Variants in CEACAM6 observed in about 807,000 individuals in gnomAD.
CEACAM6 encodes CEA cell adhesion molecule 6, also known as cell adhesion molecule CEACAM6.
In CEACAM6, 21 loss-of-function variants were observed where a neutral mutation model predicts 32.4. The observed-to-expected ratio is 0.65, with a 90% confidence interval of 0.46 to 0.93. The LOEUF is 0.93. CEACAM6 is among the 40% of genes least tolerant of loss of function. The probability of loss-of-function intolerance (pLI) is 0.00; values close to 1 mark genes in which losing one functional copy is unlikely to be tolerated. For missense variants in CEACAM6, 406 were observed against 432.2 expected, an observed-to-expected ratio of 0.94 and a Z score of 0.54; for synonymous variants, 184 against 174.4, an observed-to-expected ratio of 1.06 and a Z score of -0.43.
chr19:41,762,266 A>C, intron 4 of CEACAM6, 43 bp downstream of exon 4: 1 of 1,591,222 alleles, frequency 6.3e-7, no homozygotes, highest in Non-Finnish European at 8.6e-7. Context: ...TTTCAGGTGG[A>C]GTCTGGCTCT....
intron 2 of CEACAM6, among the ~76,000 whole-genome samples, chr19:41,757,616 G>A (rs913752742): frequency 6.6e-6 from 1 of 152,146 alleles, no homozygotes; most frequent in Non-Finnish European, 1.5e-5. Flanking sequence ...TGCCCTGGGG[G>A]ACACAGGTTA....
At chr19:41,767,514 G>A (rs2072963361) in intron 5 of CEACAM6, among the ~76,000 whole-genome samples, 1 of 152,152 alleles carries the variant, frequency 6.6e-6, no homozygotes, top group South Asian at 2.1e-4. Context: ...CAAAAATTCA[G>A]ATAAATCTGA....
At chr19:41,756,028 C>T (rs1468241361) in intron 1 of CEACAM6, among the ~76,000 whole-genome samples, 1 of 152,128 alleles carries the variant, frequency 6.6e-6, no homozygotes, top group Non-Finnish European at 1.5e-5. Context: ...AAATGCTGCC[C>T]TTACTCACCA....
chr19:41,757,202 G>A (rs2072893961), intron 2 of CEACAM6, among the ~76,000 whole-genome samples: 1 of 152,048 alleles, frequency 6.6e-6, no homozygotes, highest in Admixed American at 6.5e-5. Context: ...GACTCAGCAG[G>A]GCGAGGTCAG....
At chr19:41,769,808 T>G (rs1226897338) in intron 5 of CEACAM6, among the ~76,000 whole-genome samples, 2 of 147,754 alleles carry the variant, frequency 1.4e-5, no homozygotes, top group Non-Finnish European at 3.0e-5. Flanking sequence ...TAATATTTAT[T>G]AATAAATTAA....
chr19:41,766,376 C>G, intron 5 of CEACAM6, 77 bp downstream of exon 5: 1 of 653,226 alleles, frequency 1.5e-6, no homozygotes, highest in Non-Finnish European at 2.5e-6. Flanking sequence ...AACTTCTTCA[C>G]CTGTATCTGG....
At chr19:41,756,453 GACACAC>G (rs4060857) in intron 1 of CEACAM6, 141 bp from the exon 2 acceptor site, 70,694 of 911,288 alleles carry the variant, frequency 0.078, 119 homozygotes, top group East Asian at 0.19. Flanking sequence ...GACTCAGTAG[GACACAC>G]ACACACACAC....
chr19:41,762,018 AG>A lies in CEACAM6; in HGVS notation c.757del (p.Glu253LysfsTer3). 1 of 1,614,174 alleles carries A rather than the reference AG, an allele frequency of 6.2e-7. No individual in the cohort carries two copies. Among genetic ancestry groups the A allele is most frequent in the Non-Finnish European group, 8.5e-7 (1 of 1,180,020 alleles). On this transcript the variant is annotated frameshift_variant, in exon 4 of 6. Coordinates refer to ENST00000199764, the MANE Select transcript of CEACAM6 (RefSeq NM_002483.7). LOFTEE classifies it high-confidence loss of function. ...CCCCCTCAAAGGCCAATTACCGTCC[AG>A]GGGAAAATCTGAACCTCTCCTGCCA... ...ISPSKANYRP[G>X]ENLNLSCHAA...
At chr19:41,762,629 A>G (rs1449674230) in intron 4 of CEACAM6, among the ~76,000 whole-genome samples, 1 of 152,110 alleles carries the variant, frequency 6.6e-6, no homozygotes, top group African/African-American at 2.4e-5. Context: ...AGGGACAAGG[A>G]GGTTTTGAAA....
intron 5 of CEACAM6, among the ~76,000 whole-genome samples, chr19:41,769,382 C>A (rs2122938427): frequency 6.6e-6 from 1 of 152,320 alleles, no homozygotes; most frequent in Middle Eastern, 3.4e-3. Flanking sequence ...ACATTAAAAT[C>A]ATACCATTAG....
Position 41,762,115 on chromosome 19 carries a change from C to T in CEACAM6, c.850C>T (p.Leu284Phe). The change falls in exon 4 of 6, where the codon CTC (leucine) becomes TTC (phenylalanine). Residue 284 changes from leucine to phenylalanine, a missense_variant. By Grantham distance (22) the Leu-to-Phe change is conservative. Coordinates refer to ENST00000199764, the MANE Select transcript of CEACAM6 (RefSeq NM_002483.7). Reference protein sequence around the residue: ...NGTFQQSTQELFIPNITVNNS... With the variant: ...NGTFQQSTQEFFIPNITVNNS... ...GACGTTCCAGCAATCCACACAAGAG[C>T]TCTTTATCCCCAACATCACTGTGAA... 6.2e-7 allele frequency: 1 copy of T among 1,614,200 alleles called. No individual in the cohort carries two copies. Among genetic ancestry groups the T allele is most frequent in the Admixed American group, 1.7e-5 (1 of 60,018 alleles).
rs372929028 is a variant in CEACAM6, at chr19:41,756,865, G to A, written c.330G>A (p.Gln110=). 8.1e-6 allele frequency: 13 copies of A among 1,614,062 alleles called. No homozygotes were observed. In the African/African-American group the frequency reaches 1.7e-4, roughly 22 times the overall value. The change falls in exon 2 of 6, where the codon CAG becomes CAA. Residue 110 remains glutamine, a synonymous_variant. Transcript: ENST00000199764. The part of the protein sequence containing the change: ...TIYPNASLLI[Q]NVTQNDTGFY... ...ACCCCAATGCATCCCTGCTGATCCA[G>A]AACGTCACCCAGAATGACACAGGAT...
chr19:41,767,966 G>A (rs1555822528), intron 5 of CEACAM6, among the ~76,000 whole-genome samples: 1 of 152,044 alleles, frequency 6.6e-6, no homozygotes, highest in Non-Finnish European at 1.5e-5. Flanking sequence ...TGATGTGAGT[G>A]TTCCAAAAAT....
intron 2 of CEACAM6, among the ~76,000 whole-genome samples, chr19:41,757,694 G>A (rs1257400640): frequency 2.6e-5 from 4 of 152,168 alleles, no homozygotes; most frequent in African/African-American, 9.7e-5. Flanking sequence ...GCAGCTCCAT[G>A]TCCACCAGGG....
At chr19:41,767,673 C>A (rs1328462418) in intron 5 of CEACAM6, among the ~76,000 whole-genome samples, 1 of 152,088 alleles carries the variant, frequency 6.6e-6, no homozygotes, top group Non-Finnish European at 1.5e-5. Flanking sequence ...TAATGTGTAG[C>A]CACGATGGAG....
At chr19:41,761,224 A>G (rs2072921087) in intron 2 of CEACAM6, 25 bp from the exon 3 acceptor site, 1 of 1,614,118 alleles carries the variant, frequency 6.2e-7, no homozygotes, top group Non-Finnish European at 8.5e-7. Flanking sequence ...CACACAGGGC[A>G]ATCTTCTCTC....
chr19:41,756,782 G>T lies in CEACAM6; in HGVS notation c.247G>T (p.Val83Leu), dbSNP rs1468475790. 6.2e-7 allele frequency: 1 copy of T among 1,614,012 alleles called. No individual in the cohort carries two copies. The highest frequency in any genetic ancestry group is 1.3e-5 in the African/African-American group (1 of 74,878). Residue 83 changes from valine (V) to leucine (L), a missense_variant, in exon 2 of 6, where the codon GTA (valine) becomes TTA (leucine). Transcript: ENST00000199764. ...TGGCAACAGTCTAATTGTAGGATAT[G>T]TAATAGGAACTCAACAAGCTACCCC... is the stretch of plus-strand genomic sequence containing the variant. ...VDGNSLIVGY[V>L]IGTQQATPGP...
At chr19:41,760,101 G>A (rs1185575967) in intron 2 of CEACAM6, among the ~76,000 whole-genome samples, 1 of 152,178 alleles carries the variant, frequency 6.6e-6, no homozygotes, top group Non-Finnish European at 1.5e-5. Context: ...GTACCAAGCT[G>A]TACAGCAAAT....
In CEACAM6 at chr19:41,766,196, C is replaced by A; in HGVS notation, c.972C>A (p.Val324=). 1 of 1,607,790 alleles carries A rather than the reference C, an allele frequency of 6.2e-7. No individual in the cohort carries two copies. The highest frequency in any genetic ancestry group is 8.5e-7 in the Non-Finnish European group (1 of 1,177,400). ...TMITVSGSAP[V]LSAVATVGIT... is the part of the protein sequence containing the mutation. ...TCTTCCCACAAGGAAGTGCTCCTGT[C>A]CTCTCAGCTGTGGCCACCGTCGGCA... The change falls in exon 5 of 6, where the codon GTC becomes GTA. Residue 324 remains valine, a synonymous_variant. Transcript: ENST00000199764.
Sources: gnomAD v4.1 joint callset for allele counts (sites outside exome capture counted in the v4.1 genomes callset) on GRCh38, gnomAD v4.1.1 for gene constraint, MANE v1.5 for transcripts, NCBI Gene and HGNC (gene_info 2026-07-23, HGNC 2026-07-21) for gene names.